Variants in RFX4 observed in about 807,000 individuals in gnomAD.
The protein encoded by RFX4 is transcription factor RFX4.
Under a neutral mutation model 95.0 loss-of-function variants are expected in RFX4, and 10 were observed. The ratio of observed to expected loss-of-function variants is 0.11; its 90% CI spans 0.06 to 0.18. The LOEUF (loss-of-function observed/expected upper bound fraction) is 0.18, where lower values mean the gene tolerates loss of function less well. Among genes scored for constraint, RFX4 ranks in the 10% least tolerant of loss-of-function variants. RFX4 has a pLI of 1.00. For synonymous variants in RFX4, 321 were observed against 340.7 expected (o/e 0.94, Z 0.64); for missense variants, 640 against 922.0 (o/e 0.69, Z 3.96).
intron 7 of RFX4, chr12:106,692,941 C>T (rs896047049): frequency 2.4e-5 from 5 of 204,312 alleles, no homozygotes; most frequent in Middle Eastern, 9.8e-4. Context: ...TAACTTAACA[C>T]GGCCAAACCA....
At chr12:106,638,106 C>G (rs1431566814) in intron 2 of RFX4, among the ~76,000 whole-genome samples, 1 of 151,622 alleles carries the variant, frequency 6.6e-6, no homozygotes, top group Non-Finnish European at 1.5e-5. Flanking sequence ...CTCCCAGGTT[C>G]AAGTGATTTT....
intron 4 of RFX4, among the ~76,000 whole-genome samples, chr12:106,676,784 G>A (rs2041400747): frequency 6.6e-6 from 1 of 152,202 alleles, no homozygotes; most frequent in Non-Finnish European, 1.5e-5. Context: ...CTTCACTGAA[G>A]AGTTGATGAG....
chr12:106,639,468 T>G (rs17038590), intron 3 of RFX4, 76 bp downstream of exon 3: 17,538 of 1,328,524 alleles, frequency 0.013, 161 homozygotes, highest in Non-Finnish European at 0.015. Flanking sequence ...GGATATCACT[T>G]GGATATTTTA....
intron 16 of RFX4, among the ~76,000 whole-genome samples, chr12:106,747,873 A>G (rs1164600496): frequency 2.0e-5 from 3 of 150,874 alleles, no homozygotes; most frequent in Non-Finnish European, 4.4e-5. Context: ...GGTTGCAGTG[A>G]GCTGAGATCG....
intron 13 of RFX4, among the ~76,000 whole-genome samples, chr12:106,727,955 AT>A (rs2042536605): frequency 2.0e-5 from 3 of 152,136 alleles, no homozygotes; most frequent in Non-Finnish European, 4.4e-5. Flanking sequence ...GGCATTCTTA[AT>A]TTCACTAACT....
intron 2 of RFX4, among the ~76,000 whole-genome samples, chr12:106,617,169 C>T (rs966995322): frequency 6.6e-6 from 1 of 152,064 alleles, no homozygotes; most frequent in African/African-American, 2.4e-5. Context: ...CAGGGTTTAT[C>T]AATTTTATTA....
chr12:106,651,451 CTGT>C lies in RFX4; in HGVS notation c.192-2769_192-2767del, dbSNP rs201860342. ...CTAGTAAGAGCTCAACAGATGCTAA[CTGT>C]TGTTGTTACACAATCCTAAACCCAA... On this transcript the variant is annotated intron_variant, in intron 3 of 17. Coordinates refer to ENST00000392842, the MANE Select transcript of RFX4 (RefSeq NM_213594.3). 4.7e-3 allele frequency among the ~76,000 whole-genome samples: 709 copies of C among 152,354 alleles called. 17 individuals are homozygous for C. Among genetic ancestry groups the C allele is most frequent in the Admixed American group, 0.043 (658 of 15,298 alleles).
intron 15 of RFX4, among the ~76,000 whole-genome samples, chr12:106,741,798 G>A (rs1249464020): frequency 2.6e-5 from 4 of 152,144 alleles, no homozygotes; most frequent in Non-Finnish European, 4.4e-5. Flanking sequence ...TATAGACTGG[G>A]GAAGAGGTGG....
At chr12:106,689,190 C>T (rs77230921) in intron 6 of RFX4, 97 bp from the exon 7 acceptor site, 10 of 1,023,428 alleles carry the variant, frequency 9.8e-6, no homozygotes, top group African/African-American at 4.8e-5. Flanking sequence ...GCATCCCCCC[C>T]ACAGGGAAGA....
chr12:106,654,449 CA>C (rs1187158851), intron 4 of RFX4, 98 bp downstream of exon 4: 5 of 1,383,628 alleles, frequency 3.6e-6, no homozygotes, highest in Non-Finnish European at 3.8e-6. Context: ...TTTAAGTTAT[CA>C]AAGTACTTAC....
rs34213070 is a variant in RFX4, at chr12:106,704,065, C to CAAAAAAA, written c.834-5245_834-5239dup. Among the ~76,000 whole-genome samples the CAAAAAAA allele has an allele frequency of 1.5e-4, 6 of 40,964 alleles. 1 individual carries two copies. The highest frequency in any genetic ancestry group is 1.6e-4 in the Non-Finnish European group (3 of 18,472). 26.9% of individuals were successfully genotyped at this position (40,964 alleles called of 152,430 possible). A position where few individuals can be genotyped will look rare whatever the true frequency, so the allele number is the denominator to read the frequency against. ...TGGGTGACATAGCAAGACACTGTCT[C>CAAAAAAA]AAAAAAAAAAAAAAAAAAAAAAAAA... On this transcript the variant is annotated intron_variant, in intron 8 of 17. Coordinates refer to ENST00000392842, the MANE Select transcript of RFX4 (RefSeq NM_213594.3).
intron 13 of RFX4, among the ~76,000 whole-genome samples, chr12:106,727,786 A>AT (rs1370368498): frequency 6.6e-6 from 1 of 151,992 alleles, no homozygotes; most frequent in East Asian, 1.9e-4. Flanking sequence ...CACCTGGCTA[A>AT]TTTTTTGTAT....
chr12:106,636,473 T>A lies in RFX4; in HGVS notation c.131-2859T>A, dbSNP rs1022450995. Reference sequence around the variant, plus strand: ...GGGCAGCTAACAGGCAAATAATGTGTTATAGAAGCACAGAGTTAGGATCAA... The same window carrying A: ...GGGCAGCTAACAGGCAAATAATGTGATATAGAAGCACAGAGTTAGGATCAA... On this transcript the variant is annotated intron_variant, in intron 2 of 17. Transcript: ENST00000392842. Among the ~76,000 whole-genome samples, 9 of 151,808 alleles carry A rather than the reference T, an allele frequency of 5.9e-5. 1 individual carries two copies. The East Asian group carries it at 1.7e-3, about 29-fold the overall frequency.
intron 6 of RFX4, among the ~76,000 whole-genome samples, chr12:106,689,060 C>G (rs1017786567): frequency 6.6e-6 from 1 of 152,134 alleles, no homozygotes; most frequent in African/African-American, 2.4e-5. Flanking sequence ...TTCCGTATCT[C>G]AGGGAGAAAC....
Position 106,732,950 on chromosome 12 carries a change from A to G in RFX4, c.1498A>G (p.Thr500Ala). The G allele has an allele frequency of 6.2e-7, 1 of 1,614,132 alleles. No homozygotes were observed. Among genetic ancestry groups the G allele is most frequent in the Non-Finnish European group, 8.5e-7 (1 of 1,180,010 alleles). The part of the protein sequence containing the change: ...TAEVREEIIL[T>A]EAAAPTPSPV... ...AGAAGTCCGAGAAGAGATCATCTTG[A>G]CAGAGGCTGCCGCACCAACCCCTTC... The change falls in exon 15 of 18, where the codon ACA (threonine) becomes GCA (alanine). Residue 500 changes from threonine (T) to alanine (A), a missense_variant. This residue lies in a region of RFX4 where 300 missense variants were observed against 346.8 expected (regional missense o/e 0.87). Coordinates refer to ENST00000392842, the MANE Select transcript of RFX4 (RefSeq NM_213594.3).
intron 7 of RFX4, among the ~76,000 whole-genome samples, chr12:106,691,677 A>G (rs1165557115): frequency 6.6e-6 from 1 of 152,128 alleles, no homozygotes; most frequent in East Asian, 1.9e-4. Flanking sequence ...TCACTTGTTC[A>G]TTGTTTGTCT....
At chr12:106,741,893 C>T (rs1448497639) in intron 15 of RFX4, among the ~76,000 whole-genome samples, 1 of 152,140 alleles carries the variant, frequency 6.6e-6, no homozygotes, top group Non-Finnish European at 1.5e-5. Flanking sequence ...AGATCCCTTG[C>T]ATGTGCAGTT....
intron 1 of RFX4, among the ~76,000 whole-genome samples, chr12:106,603,774 C>A (rs2039763211): frequency 6.6e-6 from 1 of 152,198 alleles, no homozygotes; most frequent in Admixed American, 6.5e-5. Flanking sequence ...CCTTTTAGAA[C>A]TTTTGCTTCA....
chr12:106,665,332 T>C (rs1352431330), intron 4 of RFX4, among the ~76,000 whole-genome samples: 1 of 151,948 alleles, frequency 6.6e-6, no homozygotes, highest in Non-Finnish European at 1.5e-5. Flanking sequence ...AGTATTATCA[T>C]AGTATATTTT....
Sources: allele counts gnomAD v4.1 joint callset (sites outside exome capture counted in the v4.1 genomes callset), GRCh38; gene constraint gnomAD v4.1.1; regional missense constraint gnomAD v4.1.1; transcripts MANE v1.5; gene names NCBI Gene and HGNC (gene_info 2026-07-23, HGNC 2026-07-21).